HCRTR2: variants seen among roughly 807,000 people sequenced by gnomAD.
HCRTR2 encodes the protein hypocretin receptor 2.
HCRTR2 carries 22 observed loss-of-function variants against 49.0 expected under a neutral mutation model. The observed-to-expected ratio is 0.45, with a 90% CI of 0.32 to 0.64. HCRTR2 has a LOEUF of 0.64. Ranked by LOEUF, HCRTR2 falls within the 30% of genes least tolerant of loss-of-function variation. The pLI is 0.04. For synonymous variants in HCRTR2, 236 were observed against 205.3 expected (o/e 1.15, Z -1.28); for missense variants, 491 against 559.4 (o/e 0.88, Z 1.23).
intron 1 of HCRTR2, among the ~76,000 whole-genome samples, chr6:55,108,492 G>T (rs1031820444): frequency 2.0e-5 from 3 of 151,838 alleles, no homozygotes; most frequent in Non-Finnish European, 4.4e-5. Context: ...ATTCATTTCA[G>T]CTCTAGATAA....
intron 1 of HCRTR2, among the ~76,000 whole-genome samples, chr6:55,208,325 A>AT (rs905191839): frequency 4.9e-5 from 7 of 143,024 alleles, no homozygotes; most frequent in Admixed American, 1.4e-4. Context: ...AAAATAAAAA[A>AT]ATAAAAAAAA....
chr6:55,152,377 T>G (rs1168947843), intron 1 of HCRTR2, among the ~76,000 whole-genome samples: 1 of 152,032 alleles, frequency 6.6e-6, no homozygotes, highest in Non-Finnish European at 1.5e-5. Flanking sequence ...TATGTTTTCT[T>G]GAAAAATTAT....
chr6:55,140,252 T>C (rs888147806), intron 1 of HCRTR2, among the ~76,000 whole-genome samples: 1 of 152,218 alleles, frequency 6.6e-6, no homozygotes, highest in Non-Finnish European at 1.5e-5. Flanking sequence ...TTTTCCATTA[T>C]ATTGAAAATA....
At chr6:55,171,443 C>T (rs1310407439), upstream of HCRTR2, among the ~76,000 whole-genome samples, 2 of 151,984 alleles carry the variant, frequency 1.3e-5, no homozygotes, top group East Asian at 3.9e-4. Context: ...AAGAGTAATA[C>T]CTAAGAACTA....
At position 55,232,017 on chromosome 6, in the gene HCRTR2, C is replaced by T. The variant is rs145802262; in HGVS notation, c.224-16622C>T. Among the ~76,000 whole-genome samples, 227 of 152,206 alleles carry T rather than the reference C, an allele frequency of 1.5e-3. 2 individuals are homozygous for T. The highest frequency in any genetic ancestry group is 5.1e-3 in the African/African-American group (212 of 41,558). ...ATCATCTTCTACAGAACAGATGTGT[C>T]CTAACCCACTTTCCTAAACACATTT... On this transcript the variant is annotated intron_variant, in intron 1 of 6. Coordinates refer to ENST00000370862, the MANE Select transcript of HCRTR2 (RefSeq NM_001384272.1).
chr6:55,115,786 A>C (rs1189786909), intron 1 of HCRTR2, among the ~76,000 whole-genome samples: 1 of 151,686 alleles, frequency 6.6e-6, no homozygotes, highest in Non-Finnish European at 1.5e-5. Flanking sequence ...AACCATGAGA[A>C]GATGAAACAT....
intron 4 of HCRTR2, among the ~76,000 whole-genome samples, chr6:55,274,815 A>G (rs944308863): frequency 6.6e-6 from 1 of 152,150 alleles, no homozygotes; most frequent in Non-Finnish European, 1.5e-5. Flanking sequence ...TTTTGTTGCC[A>G]TATCTTTGAT....
intron 1 of HCRTR2, among the ~76,000 whole-genome samples, chr6:55,237,370 G>T (rs1421174419): frequency 6.6e-6 from 1 of 152,164 alleles, no homozygotes; most frequent in Admixed American, 6.5e-5. Context: ...TGGAAGCTGG[G>T]CTTCATTCTT....
At chr6:55,248,189 GT>G (rs1766482418) in intron 1 of HCRTR2, among the ~76,000 whole-genome samples, 1 of 152,036 alleles carries the variant, frequency 6.6e-6, no homozygotes, top group Admixed American at 6.6e-5. Flanking sequence ...AAAATTATTT[GT>G]TAAAAGTTCC....
intron 4 of HCRTR2, among the ~76,000 whole-genome samples, chr6:55,273,238 G>C (rs780131844): frequency 1.4e-4 from 22 of 151,950 alleles, no homozygotes; most frequent in Non-Finnish European, 3.1e-4. Context: ...GCTGAACAGG[G>C]AAATGTAAGG....
At chr6:55,181,918 G>T (rs544606862) in intron 1 of HCRTR2, among the ~76,000 whole-genome samples, 3 of 152,304 alleles carry the variant, frequency 2.0e-5, no homozygotes, top group African/African-American at 4.8e-5. Flanking sequence ...TTTACAGTAA[G>T]AGTTTATTCT....
chr6:55,110,910 T>C (rs1033849605), intron 1 of HCRTR2, among the ~76,000 whole-genome samples: 1 of 152,058 alleles, frequency 6.6e-6, no homozygotes, highest in Non-Finnish European at 1.5e-5. Flanking sequence ...CACTGACAAC[T>C]GCAGAATATA....
chr6:55,200,235 TTGTGTGTGTGTGTGTGTG>T (rs34710192), intron 1 of HCRTR2, among the ~76,000 whole-genome samples: 1 of 135,294 alleles, frequency 7.4e-6, no homozygotes, highest in South Asian at 2.6e-4. Flanking sequence ...GTTTGCTGTC[TTGTGTGTGTGTGTGTGTG>T]TGTGTGTGTG....
At chr6:55,206,675 A>G (rs1765607690) in intron 1 of HCRTR2, among the ~76,000 whole-genome samples, 1 of 152,056 alleles carries the variant, frequency 6.6e-6, no homozygotes, top group African/African-American at 2.4e-5. Context: ...TTGTAACTAG[A>G]TCAAAAATAA....
chr6:55,123,135 A>G (rs1764225423), intron 1 of HCRTR2, among the ~76,000 whole-genome samples: 1 of 151,674 alleles, frequency 6.6e-6, no homozygotes, highest in South Asian at 2.1e-4. Flanking sequence ...ATATATATAA[A>G]ATAATAATAA....
intron 2 of HCRTR2, among the ~76,000 whole-genome samples, chr6:55,251,831 C>G (rs898081838): frequency 1.3e-5 from 2 of 151,930 alleles, no homozygotes; most frequent in African/African-American, 4.8e-5. Context: ...GGTCAAAGAC[C>G]AAGTACCTGA....
chr6:55,124,587 G>A (rs1764247734), intron 1 of HCRTR2, among the ~76,000 whole-genome samples: 1 of 152,194 alleles, frequency 6.6e-6, no homozygotes, highest in Non-Finnish European at 1.5e-5. Flanking sequence ...TGTATATTCT[G>A]TTGATTTGGG....
chr6:55,113,965 A>T (rs1396797840), intron 1 of HCRTR2, among the ~76,000 whole-genome samples: 1 of 151,976 alleles, frequency 6.6e-6, no homozygotes. Context: ...AGCCATAAAA[A>T]GGAATGAAAT....
chr6:55,258,148 CTAAATTCAAATATTTTTAAAG>C (rs1259192999), intron 3 of HCRTR2, among the ~76,000 whole-genome samples: 1 of 152,022 alleles, frequency 6.6e-6, no homozygotes, highest in African/African-American at 2.4e-5. Context: ...TGTCATCTCT[CTAAATTCAAATATTTTTAAAG>C]GCCAACTGTC....
Sources: allele counts gnomAD v4.1 joint callset (sites outside exome capture counted in the v4.1 genomes callset), GRCh38; gene constraint gnomAD v4.1.1; transcripts MANE v1.5; gene names NCBI Gene and HGNC (gene_info 2026-07-23, HGNC 2026-07-21).